PLA2G4C: variants seen among roughly 807,000 people sequenced by gnomAD.
PLA2G4C encodes cytosolic phospholipase A2 gamma.
PLA2G4C carries 64 observed loss-of-function variants against 73.8 expected under a neutral mutation model. The observed-to-expected ratio is 0.87, with a 90% confidence interval of 0.71 to 1.07. PLA2G4C has a LOEUF of 1.07. PLA2G4C is among the 50% of genes least tolerant of loss of function. The probability of loss-of-function intolerance (pLI) is 0.00; values close to 1 mark genes in which losing one functional copy is unlikely to be tolerated. For missense variants in PLA2G4C, 622 were observed against 665.4 expected, an observed-to-expected ratio of 0.93 and a Z score of 0.72; for synonymous variants, 254 against 252.1, an observed-to-expected ratio of 1.01 and a Z score of -0.07.
At chr19:48,077,250 T>C (rs764450008) in intron 11 of PLA2G4C, among the ~76,000 whole-genome samples, 2 of 152,200 alleles carry the variant, frequency 1.3e-5, no homozygotes, top group Non-Finnish European at 2.9e-5. Context: ...AGTTTCAGGA[T>C]ACAAAATCAA....
chr19:48,048,263 G>A lies in PLA2G4C; in HGVS notation c.*80C>T. The A allele has an allele frequency of 1.9e-6, 2 of 1,029,072 alleles. No individual in the cohort carries two copies. The highest frequency in any genetic ancestry group is 2.1e-5 in the Admixed American group (1 of 46,756). 63.7% of individuals were successfully genotyped at this position (1,029,072 alleles called of 1,614,324 possible). A position where few individuals can be genotyped will look rare whatever the true frequency, so the allele number is the denominator to read the frequency against. Reference sequence around the variant, plus strand: ...GCCATGAAGCGTGTGGCTGAAGGGAGTGAAGAACAGGAAGGCCAGGTGGAC... The same window carrying A: ...GCCATGAAGCGTGTGGCTGAAGGGAATGAAGAACAGGAAGGCCAGGTGGAC... On this transcript the variant is annotated 3_prime_UTR_variant, in exon 17 of 17. Transcript: ENST00000599921.
chr19:48,054,248 T>C (rs1967841522), intron 15 of PLA2G4C, among the ~76,000 whole-genome samples: 1 of 152,130 alleles, frequency 6.6e-6, no homozygotes, highest in Admixed American at 6.6e-5. Context: ...ATGGAAGTGG[T>C]TACCCTCATG....
chr19:48,061,995 TACC>T lies in PLA2G4C; in HGVS notation c.1257_1257+2del. The stretch of plus-strand genomic sequence containing the variant: ...GACCGGCCCCAAAGCCCTTCTCGAT[TACC>T]TCGAAAGGATCTCCGGCACTGAAGT... On this transcript the variant is annotated splice_donor_variant and coding_sequence_variant, in exon 14 of 17. Transcript: ENST00000599921. LOFTEE classifies it high-confidence loss of function. 1 of 1,613,610 alleles carries T rather than the reference TACC, an allele frequency of 6.2e-7. No homozygotes were observed. The highest frequency in any genetic ancestry group is 8.5e-7 in the Non-Finnish European group (1 of 1,179,836).
At chr19:48,101,102 GTC>G (rs2031885873) in intron 4 of PLA2G4C, among the ~76,000 whole-genome samples, 1 of 104,676 alleles carries the variant, frequency 9.6e-6, no homozygotes, top group Admixed American at 1.1e-4. Context: ...GTCACATAGA[GTC>G]TATATATATA....
chr19:48,077,098 T>C lies in PLA2G4C; in HGVS notation c.898+673A>G, dbSNP rs184688321. The stretch of plus-strand genomic sequence containing the variant: ...GGAAGTATTTTTCCTCTCAATTTGC[T>C]AATTGCCTCAGGCTGTTCCCATTTT... On this transcript the variant is annotated intron_variant, in intron 11 of 16. Transcript: ENST00000599921. Among the ~76,000 whole-genome samples, 89 of 152,316 alleles carry C rather than the reference T, an allele frequency of 5.8e-4. 1 individual carries two copies. Among genetic ancestry groups the C allele is most frequent in the Admixed American group, 1.8e-3 (28 of 15,296 alleles).
chr19:48,103,623 A>C (rs1435000080), intron 4 of PLA2G4C, among the ~76,000 whole-genome samples: 2 of 152,198 alleles, frequency 1.3e-5, no homozygotes, highest in Non-Finnish European at 2.9e-5. Context: ...ACAAACATGC[A>C]GACATGAGTG....
At chr19:48,075,532 ACTCTCT>A (rs563094479) in intron 11 of PLA2G4C, among the ~76,000 whole-genome samples, 1 of 151,168 alleles carries the variant, frequency 6.6e-6, no homozygotes, top group Non-Finnish European at 1.5e-5. Flanking sequence ...ATGATGTTCA[ACTCTCT>A]CTCTCTCACA....
At chr19:48,082,622 C>T (rs2030662409) in intron 10 of PLA2G4C, among the ~76,000 whole-genome samples, 1 of 151,084 alleles carries the variant, frequency 6.6e-6, no homozygotes, top group Admixed American at 6.6e-5. Flanking sequence ...CTTCAGCCTC[C>T]CGAGTAGCTG....
intron 6 of PLA2G4C, chr19:48,097,764 G>GT (rs1263155019): frequency 1.3e-4 from 23 of 174,004 alleles, no homozygotes; most frequent in South Asian, 7.3e-4. Context: ...AATTTATTGT[G>GT]TTTTTTTGTT....
Position 48,110,541 on chromosome 19 carries a change from T to TCCGGTGCGGAGGCTTGGGCTCCGGAAG in PLA2G4C, c.-88_-87insCTTCCGGAGCCCAAGCCTCCGCACCGG. ...GCGCGGTGGAGCTTGTGCTCCGGAATCCGGTGCGGAGGCTTGGGCTCCCTG... is the reference window on the plus strand; with the variant it reads ...GCGCGGTGGAGCTTGTGCTCCGGAATCCGGTGCGGAGGCTTGGGCTCCGGAAGCCGGTGCGGAGGCTTGGGCTCCCTG... On this transcript the variant is annotated 5_prime_UTR_variant, in exon 1 of 17. Coordinates refer to ENST00000599921, the MANE Select transcript of PLA2G4C (RefSeq NM_003706.3). 1 of 1,531,978 alleles carries TCCGGTGCGGAGGCTTGGGCTCCGGAAG rather than the reference T, an allele frequency of 6.5e-7. No homozygotes were observed. Among genetic ancestry groups the TCCGGTGCGGAGGCTTGGGCTCCGGAAG allele is most frequent in the Non-Finnish European group, 8.8e-7 (1 of 1,142,328 alleles). 94.9% of individuals were successfully genotyped at this position (1,531,978 alleles called of 1,614,324 possible).
chr19:48,096,186 A>T (rs997961239), intron 6 of PLA2G4C, among the ~76,000 whole-genome samples: 2 of 152,060 alleles, frequency 1.3e-5, no homozygotes, highest in African/African-American at 4.8e-5. Context: ...GGTGATTTCT[A>T]GGTCTGGGAA....
At chr19:48,056,688 C>T (rs963131175) in intron 14 of PLA2G4C, among the ~76,000 whole-genome samples, 2 of 150,846 alleles carry the variant, frequency 1.3e-5, no homozygotes, top group South Asian at 2.1e-4. Flanking sequence ...AAAAATTAGC[C>T]GGGCATGGTG....
rs574531614 is a variant in PLA2G4C at position 48,110,534 on chromosome 19, T to G, written c.-80A>C. The G allele has an allele frequency of 2.9e-5, 45 of 1,532,780 alleles. No homozygotes were observed. Among genetic ancestry groups the G allele is most frequent in the Middle Eastern group, 3.4e-4 (2 of 5,838 alleles). The allele number at this position is 1,532,780 out of a possible 1,614,324, so 94.9% of individuals were successfully genotyped here. A position where few individuals can be genotyped will look rare whatever the true frequency, so the allele number is the denominator to read the frequency against. The stretch of plus-strand genomic sequence containing the variant: ...TGCGCATGCGCGGTGGAGCTTGTGC[T>G]CCGGAATCCGGTGCGGAGGCTTGGG... On this transcript the variant is annotated 5_prime_UTR_variant, in exon 1 of 17. Coordinates refer to ENST00000599921, the MANE Select transcript of PLA2G4C (RefSeq NM_003706.3).
intron 8 of PLA2G4C, among the ~76,000 whole-genome samples, chr19:48,089,655 C>T (rs1026101682): frequency 2.8e-4 from 43 of 152,280 alleles, no homozygotes; most frequent in African/African-American, 8.7e-4. Context: ...ACTGCGACTA[C>T]GTACTATTGT....
chr19:48,051,257 C>T (rs568619672), intron 16 of PLA2G4C, among the ~76,000 whole-genome samples: 18 of 152,292 alleles, frequency 1.2e-4, no homozygotes, highest in South Asian at 8.3e-4. Context: ...GCCCTGCTAA[C>T]GCTTTGGGTT....
At position 48,105,437 on chromosome 19, in the gene PLA2G4C, C is replaced by T. The variant is rs778610568; in HGVS notation, c.16G>A (p.Val6Ile). The part of the protein sequence containing the change: MGSSE[V>I]SIIPGLQKEE... ...TTCTGGAGCCCAGGAATTATGGAAACTTCAGAGCTTCCCAGGAGAAAACAC... is the reference window on the plus strand; with the variant it reads ...TTCTGGAGCCCAGGAATTATGGAAATTTCAGAGCTTCCCAGGAGAAAACAC... The change falls in exon 3 of 17, where the codon GTT becomes ATT. Residue 6 changes from valine to isoleucine, a missense_variant. By Grantham distance (29) the Val-to-Ile change is conservative. Transcript: ENST00000599921. 18 of 1,610,938 alleles carry T rather than the reference C, an allele frequency of 1.1e-5. No homozygotes were observed. The highest frequency in any genetic ancestry group is 1.7e-5 in the Admixed American group (1 of 59,506).
At chr19:48,096,742 A>T (rs1181697828) in intron 6 of PLA2G4C, 1 of 152,210 alleles carries the variant, frequency 6.6e-6, no homozygotes, top group Non-Finnish European at 1.5e-5. Flanking sequence ...TATGCTTAGG[A>T]AATAGGGTAA....
intron 10 of PLA2G4C, among the ~76,000 whole-genome samples, chr19:48,079,355 G>A (rs1200816161): frequency 3.9e-5 from 6 of 152,126 alleles, no homozygotes; most frequent in African/African-American, 1.4e-4. Flanking sequence ...AGAGAGCCCA[G>A]AAATAAAGCC....
At chr19:48,056,642 C>T (rs1328590499) in intron 14 of PLA2G4C, among the ~76,000 whole-genome samples, 1 of 151,350 alleles carries the variant, frequency 6.6e-6, no homozygotes, top group Non-Finnish European at 1.5e-5. Flanking sequence ...ACCATCCTGG[C>T]TAACACAGTG....
Sources: allele counts gnomAD v4.1 joint callset (sites outside exome capture counted in the v4.1 genomes callset), GRCh38; gene constraint gnomAD v4.1.1; transcripts MANE v1.5; gene names NCBI Gene and HGNC (gene_info 2026-07-23, HGNC 2026-07-21).